Variants in BMPER observed in about 807,000 individuals in gnomAD.
The protein encoded by BMPER is BMP-binding endothelial regulator protein.
BMPER carries 45 observed loss-of-function variants against 87.3 expected under a neutral mutation model. The ratio of observed to expected loss-of-function variants is 0.52; its 90% CI spans 0.41 to 0.66. BMPER has a LOEUF of 0.66. Among genes scored for constraint, BMPER ranks in the 30% least tolerant of loss-of-function variants. The pLI is 0.00. For missense variants in BMPER, 784 were observed against 867.5 expected, an observed-to-expected ratio of 0.90 and a Z score of 1.21; for synonymous variants, 326 against 316.2, an observed-to-expected ratio of 1.03 and a Z score of -0.33.
chr7:34,136,166 C>G (rs1159067246), intron 13 of BMPER, among the ~76,000 whole-genome samples: 2 of 152,158 alleles, frequency 1.3e-5, no homozygotes, highest in African/African-American at 4.8e-5. Context: ...AGCAGGAGCT[C>G]CCTGCTGGCT....
chr7:34,104,358 C>A (rs1162789560), intron 13 of BMPER, among the ~76,000 whole-genome samples: 3 of 152,178 alleles, frequency 2.0e-5, no homozygotes, highest in Non-Finnish European at 2.9e-5. Context: ...TTATGTTCCT[C>A]CCCCTCCCAA....
chr7:33,941,831 G>A (rs1353548386), intron 3 of BMPER, among the ~76,000 whole-genome samples: 1 of 152,172 alleles, frequency 6.6e-6, no homozygotes. Context: ...CCGTGGCCCA[G>A]GCAGGGGTTG....
chr7:34,054,195 C>T (rs1021278033), intron 8 of BMPER, among the ~76,000 whole-genome samples: 2 of 152,122 alleles, frequency 1.3e-5, no homozygotes, highest in African/African-American at 4.8e-5. Context: ...TACATTTATC[C>T]ATCTCTGTAT....
Position 34,138,437 on chromosome 7 carries a change from C to T in BMPER, c.1746-4793C>T, listed in dbSNP as rs116389081. 3.7e-3 allele frequency among the ~76,000 whole-genome samples: 570 copies of T among 152,288 alleles called. 4 individuals carry two copies. Among genetic ancestry groups the T allele is most frequent in the African/African-American group, 0.013 (527 of 41,556 alleles). On this transcript the variant is annotated intron_variant, in intron 13 of 14. Transcript: ENST00000649409. ...GTAGTGGATGTGTGACAAAGCGCTG[C>T]CCAGCCTGGTGCCAGCTCCCTGGGC...
intron 2 of BMPER, among the ~76,000 whole-genome samples, chr7:33,933,456 T>C (rs1211618706): frequency 6.6e-6 from 1 of 151,702 alleles, no homozygotes; most frequent in Non-Finnish European, 1.5e-5. Context: ...TTTTTTTTTT[T>C]TTTTTAGAGT....
chr7:34,010,964 A>C (rs1218224045), intron 6 of BMPER, among the ~76,000 whole-genome samples: 1 of 151,884 alleles, frequency 6.6e-6, no homozygotes, highest in Non-Finnish European at 1.5e-5. Flanking sequence ...TTAATTTGTG[A>C]GATTTGTGAA....
intron 6 of BMPER, among the ~76,000 whole-genome samples, chr7:34,041,280 T>TA (rs1167954832): frequency 6.6e-5 from 10 of 152,094 alleles, no homozygotes; most frequent in African/African-American, 2.2e-4. Context: ...TCTGGAGACT[T>TA]ACGTAAAATG....
intron 7 of BMPER, among the ~76,000 whole-genome samples, chr7:34,051,358 C>T (rs1585778181): frequency 6.6e-6 from 1 of 152,178 alleles, no homozygotes; most frequent in Admixed American, 6.5e-5. Flanking sequence ...GCTGATTCCT[C>T]CTACCTCCAC....
At chr7:34,144,437 C>T (rs1259419198) in intron 14 of BMPER, among the ~76,000 whole-genome samples, 1 of 149,510 alleles carries the variant, frequency 6.7e-6, no homozygotes, top group African/African-American at 2.5e-5. Context: ...CCAAAGATGA[C>T]CCTGGATACT....
chr7:34,080,038 A>G (rs774420083), intron 12 of BMPER, among the ~76,000 whole-genome samples: 4 of 152,188 alleles, frequency 2.6e-5, no homozygotes, highest in Non-Finnish European at 5.9e-5. Context: ...GGTTCCTTCC[A>G]TGCTACCTTT....
At chr7:33,945,731 TC>T (rs1343026226) in intron 3 of BMPER, among the ~76,000 whole-genome samples, 4 of 152,152 alleles carry the variant, frequency 2.6e-5, no homozygotes, top group Non-Finnish European at 4.4e-5. Context: ...GGACTTATGT[TC>T]CCCATTGCTG....
intron 6 of BMPER, among the ~76,000 whole-genome samples, chr7:33,978,189 C>T (rs1188583056): frequency 6.6e-6 from 1 of 152,190 alleles, no homozygotes; most frequent in Non-Finnish European, 1.5e-5. Context: ...TTCCATCACT[C>T]CCGCCATGTA....
intron 6 of BMPER, among the ~76,000 whole-genome samples, chr7:33,979,370 A>G (rs895554485): frequency 1.3e-5 from 2 of 151,084 alleles, no homozygotes; most frequent in Non-Finnish European, 2.9e-5. Flanking sequence ...TGAGAACCTG[A>G]TTCCCCCAAG....
chr7:34,028,920 G>C (rs964705920), intron 6 of BMPER, among the ~76,000 whole-genome samples: 1 of 151,898 alleles, frequency 6.6e-6, no homozygotes, highest in African/African-American at 2.4e-5. Context: ...TAGGCTGAAC[G>C]ATTCTACATG....
chr7:34,055,182 A>G lies in BMPER; in HGVS notation c.806A>G (p.Lys269Arg). The G allele has an allele frequency of 1.9e-6, 3 of 1,614,150 alleles. No individual in the cohort carries two copies. Residue 269 changes from lysine to arginine, a missense_variant, in exon 9 of 15, where the codon AAG becomes AGG. Physicochemically the swap from Lys to Arg is conservative, Grantham distance 26. Coordinates refer to ENST00000649409, the MANE Select transcript of BMPER (RefSeq NM_001365308.1). The stretch of plus-strand genomic sequence containing the variant: ...CCCCAGGACTCTACTGTGGTTTGCA[A>G]GAGGAAGTGCTCCCACCCTGGTGGC... Reference protein sequence around the residue: ...CTCRDSTVVCKRKCSHPGGCD... With the variant: ...CTCRDSTVVCRRKCSHPGGCD...
At chr7:34,045,548 A>T (rs1311368443) in intron 6 of BMPER, among the ~76,000 whole-genome samples, 2 of 152,204 alleles carry the variant, frequency 1.3e-5, no homozygotes, top group African/African-American at 2.4e-5. Flanking sequence ...GAAAATATTC[A>T]GAGACTCCAT....
intron 6 of BMPER, among the ~76,000 whole-genome samples, 199 bp from the exon 7 acceptor site, chr7:34,046,107 G>A (rs1787957289): frequency 6.6e-6 from 1 of 152,066 alleles, no homozygotes; most frequent in Non-Finnish European, 1.5e-5. Context: ...CCTCCTCAAA[G>A]GCAGTCTTTT....
chr7:34,121,850 G>T (rs2127989404), intron 13 of BMPER, among the ~76,000 whole-genome samples: 1 of 152,266 alleles, frequency 6.6e-6, no homozygotes, highest in South Asian at 2.1e-4. Flanking sequence ...GGCCAGGTGT[G>T]GTGGCTCATG....
At chr7:34,057,158 T>C (rs555496404) in intron 9 of BMPER, among the ~76,000 whole-genome samples, 1 of 152,064 alleles carries the variant, frequency 6.6e-6, no homozygotes, top group African/African-American at 2.4e-5. Context: ...TCTCAACTGT[T>C]TCTGTTTTTA....
Sources: gnomAD v4.1 joint callset for allele counts (sites outside exome capture counted in the v4.1 genomes callset) on GRCh38, gnomAD v4.1.1 for gene constraint, MANE v1.5 for transcripts, NCBI Gene and HGNC (gene_info 2026-07-23, HGNC 2026-07-21) for gene names.